CERKL: variants seen among roughly 807,000 people sequenced by gnomAD.
CERKL encodes the protein ceramide kinase-like protein.
In CERKL, 61 loss-of-function variants were observed where a neutral mutation model predicts 63.4. The observed-to-expected ratio is 0.96, with a 90% CI of 0.78 to 1.19. The LOEUF (loss-of-function observed/expected upper bound fraction) is 1.19, where lower values mean the gene tolerates loss of function less well. Ranked by LOEUF, CERKL falls within the 50% of genes most tolerant of loss-of-function variation. The pLI, the probability that CERKL is intolerant of heterozygous loss-of-function variation, is 0.00. For synonymous variants in CERKL, 250 were observed against 230.5 expected, an observed-to-expected ratio of 1.08 and a Z score of -0.77; for missense variants, 675 against 655.5, an observed-to-expected ratio of 1.03 and a Z score of -0.33.
At chr2:181,571,691 C>T (rs531379013) in intron 3 of CERKL, among the ~76,000 whole-genome samples, 1 of 152,198 alleles carries the variant, frequency 6.6e-6, no homozygotes, top group Admixed American at 6.5e-5. Flanking sequence ...TGTTGAGAGC[C>T]TTCCTAGAAG....
At chr2:181,647,413 C>T (rs1687716349) in intron 1 of CERKL, among the ~76,000 whole-genome samples, 1 of 152,188 alleles carries the variant, frequency 6.6e-6, no homozygotes, top group Non-Finnish European at 1.5e-5. Flanking sequence ...TGCAAGTGTC[C>T]AGCCTGACAA....
intron 1 of CERKL, among the ~76,000 whole-genome samples, chr2:181,608,717 TC>T (rs1410128761): frequency 6.6e-6 from 1 of 152,144 alleles, no homozygotes; most frequent in Non-Finnish European, 1.5e-5. Context: ...TTCTAGGCAT[TC>T]TAGTCAGTAC....
intron 4 of CERKL, 66 bp downstream of exon 4, chr2:181,565,992 C>G: frequency 9.1e-7 from 1 of 1,104,156 alleles, no homozygotes; most frequent in Admixed American, 1.7e-5. Flanking sequence ...AAATATGTAG[C>G]TAAAACTAGT....
At chr2:181,556,756 C>A (rs1688224505) in intron 5 of CERKL, among the ~76,000 whole-genome samples, 1 of 152,128 alleles carries the variant, frequency 6.6e-6, no homozygotes, top group African/African-American at 2.4e-5. Flanking sequence ...TGGGTATATA[C>A]CCAGTAATGG....
intron 2 of CERKL, among the ~76,000 whole-genome samples, chr2:181,575,503 C>T (rs1191631372): frequency 6.6e-6 from 1 of 152,158 alleles, no homozygotes; most frequent in Non-Finnish European, 1.5e-5. Flanking sequence ...CAAAGTACAA[C>T]AGAGTGTGTG....
chr2:181,616,463 C>T (rs1023792723), intron 1 of CERKL, among the ~76,000 whole-genome samples: 1 of 152,142 alleles, frequency 6.6e-6, no homozygotes, highest in Admixed American at 6.5e-5. Context: ...CCGCCTGCCT[C>T]GGCCTCCCAA....
intron 11 of CERKL, among the ~76,000 whole-genome samples, chr2:181,544,299 G>A (rs1317924967): frequency 6.6e-6 from 1 of 152,178 alleles, no homozygotes; most frequent in African/African-American, 2.4e-5. Flanking sequence ...GCAAACAAAT[G>A]TCAGGAAGAT....
At chr2:181,629,692 T>C (rs568440429) in intron 1 of CERKL, among the ~76,000 whole-genome samples, 2 of 151,614 alleles carry the variant, frequency 1.3e-5, no homozygotes, top group African/African-American at 4.8e-5. Flanking sequence ...AACAAGCAAA[T>C]TCATGACATT....
In CERKL at chr2:181,575,140, C is replaced by A. The variant is rs541553226; in HGVS notation, c.482-1256G>T. 4.6e-5 allele frequency among the ~76,000 whole-genome samples: 7 copies of A among 152,298 alleles called. No homozygotes were observed. The East Asian group carries it at 1.4e-3, about 30-fold the overall frequency. On this transcript the variant is annotated intron_variant, in intron 2 of 12. Transcript: ENST00000410087. Reference sequence around the variant, plus strand: ...CCTTCTCCCTTCTCCCACTGATGTCCTCTGACTTGGGGACCATGCCCAGGC... The same window carrying A: ...CCTTCTCCCTTCTCCCACTGATGTCATCTGACTTGGGGACCATGCCCAGGC...
intron 1 of CERKL, chr2:181,617,412 T>A (rs1015885894): frequency 1.3e-5 from 2 of 152,198 alleles, no homozygotes; most frequent in Non-Finnish European, 2.9e-5. Flanking sequence ...CAGCATTTGG[T>A]AAACACTTTC....
intron 5 of CERKL, among the ~76,000 whole-genome samples, chr2:181,554,164 CAAAAAAAA>C (rs36086391): frequency 7.4e-5 from 7 of 94,256 alleles, no homozygotes; most frequent in Non-Finnish European, 1.1e-4. Context: ...ACTATGGAGG[CAAAAAAAA>C]AAAAAAAAAA....
At chr2:181,584,664 TA>T (rs1301151194) in intron 2 of CERKL, among the ~76,000 whole-genome samples, 1 of 151,812 alleles carries the variant, frequency 6.6e-6, no homozygotes, top group Non-Finnish European at 1.5e-5. Flanking sequence ...TTGCCTGGAT[TA>T]ATCCATTTTT....
chr2:181,609,533 TAAAAAAAAAAAAAAAAAA>T (rs869037405), intron 1 of CERKL, among the ~76,000 whole-genome samples: 1 of 70,216 alleles, frequency 1.4e-5, no homozygotes, highest in Admixed American at 1.8e-4. Context: ...CTGTCTCTAC[TAAAAAAAAAAAAAAAAAA>T]AAAAATTTGC....
At chr2:181,605,461 C>A (rs1286540588) in intron 1 of CERKL, among the ~76,000 whole-genome samples, 1 of 152,108 alleles carries the variant, frequency 6.6e-6, no homozygotes, top group Non-Finnish European at 1.5e-5. Flanking sequence ...TTCCTACCAG[C>A]TGAAGTGGAA....
Position 181,537,227 on chromosome 2 carries a change from G to A in CERKL, c.*957C>T, listed in dbSNP as rs202185278. The A allele has an allele frequency of 1.1e-4, 50 of 452,856 alleles. No homozygotes were observed. Among genetic ancestry groups the A allele is most frequent in the Non-Finnish European group, 2.1e-4 (47 of 225,958 alleles). The allele number at this position is 452,856 out of a possible 1,614,324, so 28.1% of individuals were successfully genotyped here. A position where few individuals can be genotyped will look rare whatever the true frequency, so the allele number is the denominator to read the frequency against. ...CCCGATTTAGAACTGTCTTCTCCAGGATGGTCTCTAAGGAAATTTACATTT... is the reference window on the plus strand; with the variant it reads ...CCCGATTTAGAACTGTCTTCTCCAGAATGGTCTCTAAGGAAATTTACATTT... On this transcript the variant is annotated 3_prime_UTR_variant, in exon 13 of 13. Coordinates refer to ENST00000410087, the MANE Select transcript of CERKL (RefSeq NM_201548.5).
intron 1 of CERKL, among the ~76,000 whole-genome samples, chr2:181,643,640 T>A (rs933718352): frequency 2.0e-5 from 3 of 152,230 alleles, no homozygotes; most frequent in Admixed American, 2.0e-4. Flanking sequence ...CTGTATAGTA[T>A]CTGTCAATCC....
At chr2:181,600,949 T>C (rs1354840889) in intron 2 of CERKL, among the ~76,000 whole-genome samples, 2 of 152,168 alleles carry the variant, frequency 1.3e-5, no homozygotes, top group Admixed American at 6.6e-5. Context: ...ATTGACCACA[T>C]AGTCGTAAGT....
At chr2:181,603,323 G>T (rs1050070618) in intron 2 of CERKL, among the ~76,000 whole-genome samples, 1 of 152,114 alleles carries the variant, frequency 6.6e-6, no homozygotes, top group Non-Finnish European at 1.5e-5. Flanking sequence ...ACTCTCAGGT[G>T]AACTAAATTA....
intron 5 of CERKL, among the ~76,000 whole-genome samples, chr2:181,552,607 T>C (rs1158752389): frequency 2.0e-5 from 3 of 152,176 alleles, no homozygotes; most frequent in Admixed American, 1.3e-4. Context: ...TATTGCAGCA[T>C]GAGAACAGGC....
Sources: gnomAD v4.1 joint callset for allele counts (sites outside exome capture counted in the v4.1 genomes callset) on GRCh38, gnomAD v4.1.1 for gene constraint, MANE v1.5 for transcripts, NCBI Gene and HGNC (gene_info 2026-07-23, HGNC 2026-07-21) for gene names.